The following ZNF385B variants were observed in gnomAD, a reference collection of about 807,000 sequenced individuals.
The protein encoded by ZNF385B is zinc finger protein 533.
A neutral mutation model predicts 39.2 loss-of-function variants in ZNF385B; 23 were observed. The observed-to-expected ratio is 0.59, with a 90% CI of 0.42 to 0.83. The LOEUF (loss-of-function observed/expected upper bound fraction) is 0.83. ZNF385B is among the 40% of genes least tolerant of loss of function. ZNF385B has a pLI of 0.00. For missense variants in ZNF385B, 552 were observed against 598.9 expected, an observed-to-expected ratio of 0.92 and a Z score of 0.82; for synonymous variants, 205 against 222.6, an observed-to-expected ratio of 0.92 and a Z score of 0.70.
intron 3 of ZNF385B, among the ~76,000 whole-genome samples, chr2:179,760,465 A>G (rs535519497): frequency 6.6e-6 from 1 of 152,304 alleles, no homozygotes; most frequent in Non-Finnish European, 1.5e-5. Context: ...TCCACTCAGT[A>G]TAATTCCCTG....
chr2:179,618,913 T>C (rs1201838096), intron 3 of ZNF385B, among the ~76,000 whole-genome samples: 1 of 152,206 alleles, frequency 6.6e-6, no homozygotes, highest in African/African-American at 2.4e-5. Context: ...GTTAGGAAGG[T>C]AGCACAGACA....
chr2:179,773,891 A>G (rs1704154300), intron 1 of ZNF385B, among the ~76,000 whole-genome samples: 1 of 152,206 alleles, frequency 6.6e-6, no homozygotes, highest in African/African-American at 2.4e-5. Flanking sequence ...TCAGCATCTA[A>G]GATTGTGTTT....
chr2:179,673,657 C>A (rs539310802), intron 3 of ZNF385B, among the ~76,000 whole-genome samples: 2 of 152,304 alleles, frequency 1.3e-5, no homozygotes, highest in East Asian at 3.9e-4. Context: ...TCTTCTCCAG[C>A]CCCTTTGGAA....
At chr2:179,811,567 G>A (rs915029905) in intron 1 of ZNF385B, among the ~76,000 whole-genome samples, 2 of 152,092 alleles carry the variant, frequency 1.3e-5, no homozygotes, top group Non-Finnish European at 2.9e-5. Flanking sequence ...TCCCTATTCA[G>A]TAAATGGTGC....
At chr2:179,483,048 T>C (rs972933184) in intron 6 of ZNF385B, among the ~76,000 whole-genome samples, 1 of 151,298 alleles carries the variant, frequency 6.6e-6, no homozygotes, top group Non-Finnish European at 1.5e-5. Flanking sequence ...TATTTACATA[T>C]ACACATATAT....
chr2:179,456,001 T>A (rs2050666051), intron 6 of ZNF385B, among the ~76,000 whole-genome samples: 1 of 152,074 alleles, frequency 6.6e-6, no homozygotes, highest in Non-Finnish European at 1.5e-5. Flanking sequence ...TGTGTGTGAG[T>A]ACTATACACT....
Position 179,544,970 on chromosome 2 carries a change from C to T in ZNF385B, c.299-1G>A, listed in dbSNP as rs1429214854. 1.9e-6 allele frequency: 3 copies of T among 1,613,676 alleles called. No homozygotes were observed. The highest frequency in any genetic ancestry group is 2.7e-5 in the African/African-American group (2 of 74,906). ...AGGGTAGTAGTGTGGCATGTACTGC[C>T]TGCCAAGAACAAAACAAAAATGAAT... On this transcript the variant is annotated splice_acceptor_variant, in intron 3 of 9. Coordinates refer to ENST00000410066, the MANE Select transcript of ZNF385B (RefSeq NM_152520.6). LOFTEE classifies it high-confidence loss of function.
At chr2:179,789,676 C>T (rs1379803450) in intron 1 of ZNF385B, among the ~76,000 whole-genome samples, 3 of 152,146 alleles carry the variant, frequency 2.0e-5, no homozygotes, top group African/African-American at 7.2e-5. Flanking sequence ...CTGGTGAAAG[C>T]ACATTGAAGC....
chr2:179,840,628 A>C (rs1356350501), intron 1 of ZNF385B, among the ~76,000 whole-genome samples: 1 of 152,198 alleles, frequency 6.6e-6, no homozygotes, highest in Non-Finnish European at 1.5e-5. Flanking sequence ...GGAATGATAC[A>C]AAATTTGTTC....
rs183085438 is a variant in ZNF385B at position 179,724,165 on chromosome 2, C to T, written c.298+45338G>A. On this transcript the variant is annotated intron_variant, in intron 3 of 9. Coordinates refer to ENST00000410066, the MANE Select transcript of ZNF385B (RefSeq NM_152520.6). Reference sequence around the variant, plus strand: ...CTCTACGAAAAATACAAAAATTCACCGGGCATGGTGGCGGGCGCCTGCAAT... The same window carrying T: ...CTCTACGAAAAATACAAAAATTCACTGGGCATGGTGGCGGGCGCCTGCAAT... 6.9e-3 allele frequency among the ~76,000 whole-genome samples: 1,043 copies of T among 152,046 alleles called. 8 individuals carry two copies. Among genetic ancestry groups the T allele is most frequent in the African/African-American group, 0.023 (939 of 41,480 alleles).
intron 4 of ZNF385B, 76 bp downstream of exon 4, chr2:179,544,751 G>C: frequency 6.4e-7 from 1 of 1,558,888 alleles, no homozygotes; most frequent in Non-Finnish European, 8.8e-7. Context: ...GAAACAGGCT[G>C]TATCTATTGA....
At chr2:179,512,839 T>C (rs558165856) in intron 5 of ZNF385B, among the ~76,000 whole-genome samples, 8 of 152,334 alleles carry the variant, frequency 5.3e-5, no homozygotes, top group Non-Finnish European at 1.2e-4. Flanking sequence ...TAAAGGTTCA[T>C]TTGGGAAATG....
intron 1 of ZNF385B, among the ~76,000 whole-genome samples, chr2:179,798,786 C>T (rs1347696341): frequency 2.0e-5 from 3 of 151,946 alleles, no homozygotes; most frequent in African/African-American, 4.8e-5. Context: ...ACTTGTTACA[C>T]GGTTGTTTAT....
At chr2:179,678,020 T>C (rs1466270439) in intron 3 of ZNF385B, among the ~76,000 whole-genome samples, 1 of 152,270 alleles carries the variant, frequency 6.6e-6, no homozygotes, top group East Asian at 1.9e-4. Flanking sequence ...AATAGCTCTT[T>C]TTTTTTCTAT....
At chr2:179,445,422 A>G (rs527654710) in intron 8 of ZNF385B, 128 bp downstream of exon 8, 3 of 816,740 alleles carry the variant, frequency 3.7e-6, no homozygotes, top group East Asian at 2.7e-5. Context: ...TATGTTGCAT[A>G]TTGTCTGCAT....
intron 1 of ZNF385B, among the ~76,000 whole-genome samples, chr2:179,797,111 A>G (rs551009720): frequency 9.9e-5 from 15 of 152,206 alleles, no homozygotes; most frequent in Non-Finnish European, 2.2e-4. Context: ...ACTGTTTCAC[A>G]GAAACAATTA....
At chr2:179,551,160 C>A (rs2060540114) in intron 3 of ZNF385B, among the ~76,000 whole-genome samples, 1 of 151,922 alleles carries the variant, frequency 6.6e-6, no homozygotes, top group South Asian at 2.1e-4. Context: ...TGAATAAAAT[C>A]AAAATAGGGT....
chr2:179,797,759 G>C (rs1705762604), intron 1 of ZNF385B, among the ~76,000 whole-genome samples: 1 of 152,110 alleles, frequency 6.6e-6, no homozygotes, highest in South Asian at 2.1e-4. Context: ...ATCAAATTGA[G>C]ATCTAATCTT....
intron 3 of ZNF385B, among the ~76,000 whole-genome samples, chr2:179,655,602 G>A (rs1426293439): frequency 6.6e-6 from 1 of 151,426 alleles, no homozygotes; most frequent in Non-Finnish European, 1.5e-5. Flanking sequence ...GAAAGAGGGA[G>A]AGAGAGAGAG....
Sources: allele counts gnomAD v4.1 joint callset (sites outside exome capture counted in the v4.1 genomes callset), GRCh38; gene constraint gnomAD v4.1.1; transcripts MANE v1.5; gene names NCBI Gene and HGNC (gene_info 2026-07-23, HGNC 2026-07-21).